The following NUBPL variants were observed in gnomAD, a reference collection of about 807,000 sequenced individuals.
NUBPL encodes the protein NUBP iron-sulfur cluster assembly factor, mitochondrial.
In NUBPL, 31 loss-of-function variants were observed where a neutral mutation model predicts 45.7. That is an observed-to-expected ratio of 0.68 (90% CI 0.51 to 0.92). The LOEUF (loss-of-function observed/expected upper bound fraction) is 0.92. NUBPL is among the 40% of genes least tolerant of loss of function. NUBPL has a pLI of 0.00. For synonymous variants in NUBPL, 144 were observed against 140.9 expected (o/e 1.02, Z -0.15); for missense variants, 401 against 398.7 (o/e 1.01, Z -0.05).
chr14:31,607,884 C>T (rs935165510), intron 4 of NUBPL, among the ~76,000 whole-genome samples: 4 of 151,882 alleles, frequency 2.6e-5, no homozygotes, highest in Admixed American at 6.6e-5. Context: ...TCCAAAAGTA[C>T]AATAAGGTTA....
intron 7 of NUBPL, among the ~76,000 whole-genome samples, chr14:31,807,550 A>C (rs1445793883): frequency 1.3e-5 from 2 of 152,082 alleles, no homozygotes; most frequent in African/African-American, 4.8e-5. Flanking sequence ...AGATTGCAAA[A>C]ATTTTCTCCC....
intron 6 of NUBPL, among the ~76,000 whole-genome samples, chr14:31,759,177 A>T (rs1260115205): frequency 6.6e-6 from 1 of 152,036 alleles, no homozygotes; most frequent in East Asian, 1.9e-4. Context: ...TTCTGAGAAG[A>T]TTTTGTAATT....
At chr14:31,844,599 T>C (rs1325653783) in intron 8 of NUBPL, 1 of 152,068 alleles carries the variant, frequency 6.6e-6, no homozygotes, top group African/African-American at 2.4e-5. Flanking sequence ...ATATAATTAT[T>C]GGGGGCAACT....
chr14:31,810,078 A>G (rs1318419952), intron 7 of NUBPL, among the ~76,000 whole-genome samples: 1 of 152,184 alleles, frequency 6.6e-6, no homozygotes, highest in Non-Finnish European at 1.5e-5. Context: ...TGGTGCTGAG[A>G]AGAATGTATA....
chr14:31,572,501 C>T (rs1363931008), intron 3 of NUBPL, among the ~76,000 whole-genome samples: 2 of 152,128 alleles, frequency 1.3e-5, no homozygotes, highest in African/African-American at 4.8e-5. Flanking sequence ...CAGCAGCTAG[C>T]GCAATGCCTT....
intron 6 of NUBPL, among the ~76,000 whole-genome samples, chr14:31,688,078 C>G (rs535664263): frequency 1.6e-4 from 24 of 152,066 alleles, no homozygotes; most frequent in African/African-American, 5.8e-4. Flanking sequence ...CCTGTAGACT[C>G]TAATATTATT....
chr14:31,654,557 C>T (rs372381251), intron 4 of NUBPL, among the ~76,000 whole-genome samples: 67 of 151,912 alleles, frequency 4.4e-4, no homozygotes, highest in African/African-American at 1.5e-3. Flanking sequence ...TGCAGGCACC[C>T]GCCACCACAC....
At chr14:31,673,227 TACCCCG>T (rs2036615150) in intron 4 of NUBPL, 122 bp from the exon 5 acceptor site, 2 of 702,838 alleles carry the variant, frequency 2.8e-6, no homozygotes, top group South Asian at 3.6e-5. Flanking sequence ...CATTACGTTG[TACCCCG>T]TAAACATATG....
At chr14:31,847,631 G>A (rs1003803099) in intron 9 of NUBPL, among the ~76,000 whole-genome samples, 23 of 152,342 alleles carry the variant, frequency 1.5e-4, no homozygotes, top group African/African-American at 5.5e-4. Context: ...AAAGGCAGGT[G>A]TTAGATGCTG....
At chr14:31,646,022 C>A (rs77004407) in intron 4 of NUBPL, among the ~76,000 whole-genome samples, 4,941 of 152,072 alleles carry the variant, frequency 0.032, 122 homozygotes, top group South Asian at 0.062. Flanking sequence ...GTGGTTTTTT[C>A]TTTCAGATTG....
intron 7 of NUBPL, among the ~76,000 whole-genome samples, chr14:31,790,635 A>G (rs998767130): frequency 2.0e-5 from 3 of 150,292 alleles, no homozygotes; most frequent in African/African-American, 7.3e-5. Context: ...GCAGATCACG[A>G]GGTCAGGAGA....
intron 6 of NUBPL, among the ~76,000 whole-genome samples, chr14:31,734,434 C>T (rs1245757766): frequency 6.6e-6 from 1 of 152,138 alleles, no homozygotes; most frequent in Non-Finnish European, 1.5e-5. Flanking sequence ...GACCAGTGCA[C>T]ACAGTGGTTC....
At chr14:31,747,668 T>C (rs1347540392) in intron 6 of NUBPL, among the ~76,000 whole-genome samples, 2 of 152,178 alleles carry the variant, frequency 1.3e-5, no homozygotes, top group East Asian at 3.8e-4. Context: ...TCCTCTATTT[T>C]CACTTCTGAT....
chr14:31,789,836 G>T (rs2138825618), intron 7 of NUBPL, among the ~76,000 whole-genome samples: 1 of 151,516 alleles, frequency 6.6e-6, no homozygotes, highest in African/African-American at 2.4e-5. Context: ...GATAAGGCAG[G>T]CTGTAAAATA....
At chr14:31,660,800 C>T (rs1435382713) in intron 4 of NUBPL, among the ~76,000 whole-genome samples, 1 of 152,052 alleles carries the variant, frequency 6.6e-6, no homozygotes, top group Admixed American at 6.6e-5. Context: ...GTAGAAAGTA[C>T]AAAGGTTTCT....
At chr14:31,674,727 A>G (rs1032060973) in intron 6 of NUBPL, among the ~76,000 whole-genome samples, 3 of 152,208 alleles carry the variant, frequency 2.0e-5, no homozygotes, top group East Asian at 3.8e-4. Flanking sequence ...CACTTCAGTC[A>G]TCAGATTTTA....
At chr14:31,834,372 G>T (rs575992030) in intron 8 of NUBPL, among the ~76,000 whole-genome samples, 1 of 151,816 alleles carries the variant, frequency 6.6e-6, no homozygotes, top group Non-Finnish European at 1.5e-5. Flanking sequence ...GTAGAGACGG[G>T]GTTTCACCGT....
chr14:31,827,369 G>T (rs1278932858), intron 8 of NUBPL, among the ~76,000 whole-genome samples: 2 of 151,286 alleles, frequency 1.3e-5, no homozygotes, highest in Non-Finnish European at 2.9e-5. Context: ...AAAAAAACTG[G>T]ATGCTCAAAA....
intron 6 of NUBPL, among the ~76,000 whole-genome samples, chr14:31,731,406 T>C (rs2038045680): frequency 1.3e-5 from 2 of 152,352 alleles, no homozygotes; most frequent in South Asian, 4.1e-4. Context: ...TAATTTTTTA[T>C]GCCTCTGGGT....
Sources: allele counts gnomAD v4.1 joint callset (sites outside exome capture counted in the v4.1 genomes callset), GRCh38; gene constraint gnomAD v4.1.1; transcripts MANE v1.5; gene names NCBI Gene and HGNC (gene_info 2026-07-23, HGNC 2026-07-21).